The following KIF27 variants were observed in gnomAD, a reference collection of about 807,000 sequenced individuals.
KIF27 encodes kinesin family member 27.
In KIF27, 84 loss-of-function variants were observed where a neutral mutation model predicts 141.8. The ratio of observed to expected loss-of-function variants is 0.59; its 90% confidence interval spans 0.50 to 0.71. KIF27 has a LOEUF of 0.71. Ranked by LOEUF, KIF27 falls within the 30% of genes least tolerant of loss-of-function variation. The pLI, the probability that KIF27 is intolerant of heterozygous loss-of-function variation, is 0.00. For synonymous variants in KIF27, 471 were observed against 569.5 expected, an observed-to-expected ratio of 0.83 and a Z score of 2.46; for missense variants, 1,306 against 1,628.4, an observed-to-expected ratio of 0.80 and a Z score of 3.41.
intron 11 of KIF27, among the ~76,000 whole-genome samples, chr9:83,876,657 A>T (rs1309636325): frequency 6.6e-6 from 1 of 152,226 alleles, no homozygotes; most frequent in Non-Finnish European, 1.5e-5. Flanking sequence ...TCCCAATTTC[A>T]AGACTTAATA....
At chr9:83,861,857 T>G (rs1326924940) in intron 13 of KIF27, among the ~76,000 whole-genome samples, 1 of 151,118 alleles carries the variant, frequency 6.6e-6, no homozygotes, top group Admixed American at 6.6e-5. Flanking sequence ...CCTGACTTTT[T>G]AATGATTGCC....
At chr9:83,846,837 A>G (rs1587910557) in intron 16 of KIF27, among the ~76,000 whole-genome samples, 1 of 152,200 alleles carries the variant, frequency 6.6e-6, no homozygotes, top group African/African-American at 2.4e-5. Context: ...GAAAGTTAAG[A>G]TTGCCACCTG....
chr9:83,848,178 CATATATGAT>C (rs796068062), intron 16 of KIF27, among the ~76,000 whole-genome samples: 354 of 35,352 alleles, frequency 0.01, 24 homozygotes, highest in African/African-American at 0.023. Context: ...TCTGATATAT[CATATATGAT>C]ATATATGATA....
chr9:83,908,408 GTC>G, intron 3 of KIF27, 42 bp downstream of exon 3: 2 of 1,160,492 alleles, frequency 1.7e-6, no homozygotes, highest in Non-Finnish European at 2.5e-6. Flanking sequence ...ATTAAAGCAT[GTC>G]TGTTTGCTAA....
intron 2 of KIF27, among the ~76,000 whole-genome samples, chr9:83,909,010 G>A (rs1164526807): frequency 6.6e-6 from 1 of 152,038 alleles, no homozygotes; most frequent in Non-Finnish European, 1.5e-5. Context: ...TGTATTCATT[G>A]AACAAGTATT....
chr9:83,862,043 T>A (rs990694907), intron 13 of KIF27, among the ~76,000 whole-genome samples: 1 of 152,134 alleles, frequency 6.6e-6, no homozygotes, highest in African/African-American at 2.4e-5. Context: ...TCTTGTAAAT[T>A]TGTTTGAGTT....
At chr9:83,890,021 C>A (rs1952517816) in intron 6 of KIF27, among the ~76,000 whole-genome samples, 1 of 152,164 alleles carries the variant, frequency 6.6e-6, no homozygotes, top group South Asian at 2.1e-4. Flanking sequence ...GTAACCAAAT[C>A]TCAAGATGAC....
At chr9:83,919,790 A>G (rs951741849) in intron 1 of KIF27, among the ~76,000 whole-genome samples, 4 of 151,828 alleles carry the variant, frequency 2.6e-5, no homozygotes, top group African/African-American at 9.7e-5. Flanking sequence ...AGCTACTCAG[A>G]AGGCTGAAGC....
At chr9:83,915,139 T>C (rs947778446) in intron 2 of KIF27, among the ~76,000 whole-genome samples, 155 bp downstream of exon 2, 2 of 152,250 alleles carry the variant, frequency 1.3e-5, no homozygotes, top group African/African-American at 4.8e-5. Context: ...AACGAATCTT[T>C]CAAAGATGAT....
At chr9:83,888,639 T>C (rs1952351206) in intron 7 of KIF27, 47 bp from the exon 8 acceptor site, 1 of 1,112,686 alleles carries the variant, frequency 9.0e-7, no homozygotes, top group Non-Finnish European at 1.3e-6. Flanking sequence ...TGTTTTCTAA[T>C]CTGCCCTCAA....
intron 3 of KIF27, among the ~76,000 whole-genome samples, chr9:83,905,119 T>C (rs1210010199): frequency 6.6e-6 from 1 of 151,810 alleles, no homozygotes; most frequent in Non-Finnish European, 1.5e-5. Context: ...CCAAAAATAT[T>C]TCTTTTTTTT....
intron 6 of KIF27, among the ~76,000 whole-genome samples, chr9:83,890,210 G>A (rs1366356833): frequency 6.6e-6 from 1 of 152,102 alleles, no homozygotes; most frequent in Non-Finnish European, 1.5e-5. Flanking sequence ...ACCTGATTCT[G>A]AAAATCATCT....
At chr9:83,914,246 C>T (rs529375646) in intron 2 of KIF27, among the ~76,000 whole-genome samples, 16 of 150,128 alleles carry the variant, frequency 1.1e-4, no homozygotes, top group African/African-American at 3.9e-4. Flanking sequence ...TAAAGAAAAG[C>T]CACAATTTAT....
chr9:83,855,305 G>A (rs1949074279), intron 14 of KIF27: 1 of 152,328 alleles, frequency 6.6e-6, no homozygotes, highest in African/African-American at 2.4e-5. Context: ...CAAAGTGATG[G>A]GATTACAGGT....
chr9:83,837,301 T>C lies in KIF27; in HGVS notation c.3906A>G (p.Leu1302=). 1 of 1,604,170 alleles carries C rather than the reference T, an allele frequency of 6.2e-7. No individual in the cohort carries two copies. Among genetic ancestry groups the C allele is most frequent in the South Asian group, 1.1e-5 (1 of 90,774 alleles). The change falls in exon 18 of 18, where the codon TTA becomes TTG. Residue 1302 remains leucine (L), a synonymous_variant. Transcript: ENST00000297814. ...PQKLWEDIPE[L]PPIHSSLAPP... is the part of the protein sequence containing the mutation. ...GTGCTAAAGAACTATGAATTGGAGG[T>C]AATTCTGGGATATCTTCCCAGAGCT...
Position 83,883,974 on chromosome 9 carries a change from T to G in KIF27, c.2284A>C (p.Thr762Pro). ...TGTTCTGCATCATGCTCTAGCTTTG[T>G]TACTTTCAAAGAATACTGCTTGCTT... ...SVSKQYSLKVTKLEHDAEQAK... is the reference protein window; with the variant it reads ...SVSKQYSLKVPKLEHDAEQAK... Residue 762 changes from threonine to proline, a missense_variant, in exon 10 of 18, where the codon ACA (threonine) becomes CCA (proline). Physicochemically the swap from Thr to Pro is conservative, Grantham distance 38. Coordinates refer to ENST00000297814, the MANE Select transcript of KIF27 (RefSeq NM_017576.4). 1 of 1,613,540 alleles carries G rather than the reference T, an allele frequency of 6.2e-7. No homozygotes were observed. Among genetic ancestry groups the G allele is most frequent in the Non-Finnish European group, 8.5e-7 (1 of 1,179,624 alleles).
chr9:83,840,066 A>G lies in KIF27; in HGVS notation c.3721+2171T>C, dbSNP rs536909886. 3.9e-3 allele frequency among the ~76,000 whole-genome samples: 590 copies of G among 152,346 alleles called. 2 individuals are homozygous for G. The highest frequency in any genetic ancestry group is 0.014 in the African/African-American group (573 of 41,584). ...AACTCAGAGTTTGATATAAATTGCT[A>G]TATTTTATAATTCAAACAAACCTTG... On this transcript the variant is annotated intron_variant, in intron 17 of 17. Coordinates refer to ENST00000297814, the MANE Select transcript of KIF27 (RefSeq NM_017576.4).
At chr9:83,910,833 A>G (rs1955078576) in intron 2 of KIF27, among the ~76,000 whole-genome samples, 1 of 152,200 alleles carries the variant, frequency 6.6e-6, no homozygotes, top group Admixed American at 6.5e-5. Context: ...TAGGCGTAGG[A>G]GGGACTCAAA....
At chr9:83,895,724 G>A (rs1953147072) in intron 5 of KIF27, among the ~76,000 whole-genome samples, 1 of 151,928 alleles carries the variant, frequency 6.6e-6, no homozygotes, top group African/African-American at 2.4e-5. Flanking sequence ...AATTATAAAT[G>A]AAAATCCAAA....
Sources: gnomAD v4.1 joint callset for allele counts (sites outside exome capture counted in the v4.1 genomes callset) on GRCh38, gnomAD v4.1.1 for gene constraint, MANE v1.5 for transcripts, NCBI Gene and HGNC (gene_info 2026-07-23, HGNC 2026-07-21) for gene names.